MLXIP: variants seen among roughly 807,000 people sequenced by gnomAD.
The protein encoded by MLXIP is MLX-interacting protein.
A neutral mutation model predicts 87.2 loss-of-function variants in MLXIP; 30 were observed. The observed-to-expected ratio is 0.34, with a 90% CI of 0.26 to 0.47. MLXIP has a LOEUF of 0.47. Among genes scored for constraint, MLXIP ranks in the 20% least tolerant of loss-of-function variants. MLXIP has a pLI of 1.00. For synonymous variants in MLXIP, 530 were observed against 514.0 expected, an observed-to-expected ratio of 1.03 and a Z score of -0.42; for missense variants, 1,002 against 1,240.1, an observed-to-expected ratio of 0.81 and a Z score of 2.88.
rs1235040640 is a variant in MLXIP, at chr12:122,146,621, CG to C, written c.*4810del. On this transcript the variant is annotated 3_prime_UTR_variant, in exon 17 of 17. Transcript: ENST00000319080. ...GTTGAATGTTGACTTTGTGTGTATG[CG>C]TGTGTGTGTGTGTGTGTGCACGCGC... 3 of 147,248 alleles carry C rather than the reference CG, an allele frequency of 2.0e-5. No homozygotes were observed. Among genetic ancestry groups the C allele is most frequent in the African/African-American group, 7.4e-5 (3 of 40,692 alleles). 9.1% of individuals were successfully genotyped at this position (147,248 alleles called of 1,614,324 possible).
At chr12:122,092,326 C>T (rs924882534) in intron 1 of MLXIP, among the ~76,000 whole-genome samples, 1 of 152,054 alleles carries the variant, frequency 6.6e-6, no homozygotes, top group Non-Finnish European at 1.5e-5. Flanking sequence ...CTTGAACTCC[C>T]AAGCTCTAGC....
At chr12:122,141,660 C>T (rs771723537) in intron 16 of MLXIP, 31 bp from the exon 17 acceptor site, 1 of 1,610,218 alleles carries the variant, frequency 6.2e-7, no homozygotes, top group South Asian at 1.1e-5. Context: ...GTCTGTGTCA[C>T]TGCCTGTGTC....
At position 122,135,681 on chromosome 12, in the gene MLXIP, G is replaced by A. The variant is rs759084415; in HGVS notation, c.2032+15G>A. The stretch of plus-strand genomic sequence containing the variant: ...CACAGGGCCCAGTGAGTGTTCACTC[G>A]GCGGGATGGTTGGGGCATCGCAAGG... On this transcript the variant is annotated intron_variant, in intron 11 of 16. Coordinates refer to ENST00000319080, the MANE Select transcript of MLXIP (RefSeq NM_014938.6). This position sits in a 1 kb window ranked among gnomAD's most constrained non-coding sequence, Gnocchi z 5.3. The A allele has an allele frequency of 1.6e-5, 24 of 1,473,184 alleles. No homozygotes were observed. Among genetic ancestry groups the A allele is most frequent in the African/African-American group, 2.8e-5 (2 of 70,920 alleles). The allele number at this position is 1,473,184 out of a possible 1,614,324, so 91.3% of individuals were successfully genotyped here.
chr12:122,096,228 C>G (rs1374476165), intron 1 of MLXIP, among the ~76,000 whole-genome samples: 1 of 152,178 alleles, frequency 6.6e-6, no homozygotes, highest in Non-Finnish European at 1.5e-5. Flanking sequence ...CAGGTGTGCA[C>G]CGCCACACCC....
intron 15 of MLXIP, among the ~76,000 whole-genome samples, chr12:122,139,175 G>A (rs758264899): frequency 1.3e-5 from 2 of 152,166 alleles, no homozygotes; most frequent in Non-Finnish European, 2.9e-5. Flanking sequence ...GAGGTAGAAC[G>A]GTGGGCTTCG....
At chr12:122,128,694 G>A (rs1247462625) in intron 3 of MLXIP, 2 of 164,708 alleles carry the variant, frequency 1.2e-5, no homozygotes, top group East Asian at 1.8e-4. Context: ...GGCATCACGC[G>A]AAGGTTGGAT....
rs1191288771 is a variant in MLXIP at position 122,078,799 on chromosome 12, C to G, written c.-55C>G. ...GCCGGGCCGGCGCCCCTCTGCCTCG[C>G]GCGCTTGTCGCGTTGCCCCGGGCTC... is the stretch of plus-strand genomic sequence containing the variant. On this transcript the variant is annotated 5_prime_UTR_variant, in exon 1 of 17. Coordinates refer to ENST00000319080, the MANE Select transcript of MLXIP (RefSeq NM_014938.6). The G allele has an allele frequency of 9.7e-7, 1 of 1,031,096 alleles. No homozygotes were observed. The highest frequency in any genetic ancestry group is 8.4e-5 in the East Asian group (1 of 11,876). 63.9% of individuals were successfully genotyped at this position (1,031,096 alleles called of 1,614,324 possible). A position where few individuals can be genotyped will look rare whatever the true frequency, so the allele number is the denominator to read the frequency against.
At position 122,109,619 on chromosome 12, in the gene MLXIP, C is replaced by T. The variant is rs150043187; in HGVS notation, c.414-17637C>T. ...ATGGGTTGGCTGAGGAGATTTGCAG[C>T]ATGTCTGAAATACAAAAACTGTTTC... is the stretch of plus-strand genomic sequence containing the variant. On this transcript the variant is annotated intron_variant, in intron 1 of 16. Coordinates refer to ENST00000319080, the MANE Select transcript of MLXIP (RefSeq NM_014938.6). 3.1e-4 allele frequency among the ~76,000 whole-genome samples: 47 copies of T among 152,324 alleles called. 1 individual carries two copies. Among genetic ancestry groups the T allele is most frequent in the African/African-American group, 1.0e-3 (42 of 41,578 alleles).
intron 1 of MLXIP, among the ~76,000 whole-genome samples, chr12:122,093,257 G>C (rs1228173199): frequency 1.3e-5 from 2 of 149,566 alleles, no homozygotes; most frequent in Non-Finnish European, 3.0e-5. Flanking sequence ...TGTGTGTGCA[G>C]TGNGGGTGTG....
chr12:122,133,524 T>C lies in MLXIP; in HGVS notation c.1269T>C (p.Ser423=), dbSNP rs1565984788. The change falls in exon 9 of 17, where the codon AGT becomes AGC. Residue 423 remains serine, a synonymous_variant. Coordinates refer to ENST00000319080, the MANE Select transcript of MLXIP (RefSeq NM_014938.6). This position sits in a 1 kb window ranked among gnomAD's most constrained non-coding sequence, Gnocchi z 4.9. The part of the protein sequence containing the change: ...TDFGPSEPPL[S]VPQPFLPVFT... ...TCGGTCCCTCAGAGCCGCCACTGAG[T>C]GTCCCGCAGCCCTTCCTCCCTGTCT... The C allele has an allele frequency of 1.2e-6, 2 of 1,610,790 alleles. No individual in the cohort carries two copies. Among genetic ancestry groups the C allele is most frequent in the Non-Finnish European group, 8.5e-7 (1 of 1,178,736 alleles).
chr12:122,141,104 G>T, intron 16 of MLXIP, 21 bp downstream of exon 16: 2 of 1,598,538 alleles, frequency 1.3e-6, no homozygotes, highest in Non-Finnish European at 1.7e-6. Flanking sequence ...CAGTGCCAGG[G>T]TGGGGGGCTT....
rs1008532461 is a variant in MLXIP at position 122,085,442 on chromosome 12, C to T, written c.413+6176C>T. 1.5e-4 allele frequency among the ~76,000 whole-genome samples: 22 copies of T among 149,802 alleles called. 1 individual carries two copies. Among genetic ancestry groups the T allele is most frequent in the Admixed American group, 4.7e-4 (7 of 15,034 alleles). On this transcript the variant is annotated intron_variant, in intron 1 of 16. Coordinates refer to ENST00000319080, the MANE Select transcript of MLXIP (RefSeq NM_014938.6). Reference sequence around the variant, plus strand: ...TTTTTGAGATGGAGTCTCGCTCTGTCGCCCAGGCTGGAGTGCAATGGCGCG... The same window carrying T: ...TTTTTGAGATGGAGTCTCGCTCTGTTGCCCAGGCTGGAGTGCAATGGCGCG...
At position 122,128,359 on chromosome 12, in the gene MLXIP, C is replaced by T. The variant is rs1476773226; in HGVS notation, c.606+391C>T. ...TGAGGGGGAGATGCTTTCTTCACTG[C>T]ATACTCTTCTGTGTGGCTTTAATTT... On this transcript the variant is annotated intron_variant, in intron 3 of 16. Transcript: ENST00000319080. 2.2e-5 allele frequency: 4 copies of T among 181,402 alleles called. No individual in the cohort carries two copies. In the East Asian group the frequency reaches 6.5e-4, roughly 29 times the overall value. The allele number at this position is 181,402 out of a possible 1,614,324, so 11.2% of individuals were successfully genotyped here.
chr12:122,092,994 TTGTG>T (rs1162855425), intron 1 of MLXIP, among the ~76,000 whole-genome samples: 1 of 142,990 alleles, frequency 7.0e-6, no homozygotes, highest in Non-Finnish European at 1.5e-5. Flanking sequence ...GTTGTGTGTG[TTGTG>T]TGTATGTGTG....
In MLXIP at chr12:122,079,037, C is replaced by G. The variant is rs1039195849; in HGVS notation, c.184C>G (p.Arg62Gly). 5 of 1,397,192 alleles carry G rather than the reference C, an allele frequency of 3.6e-6. No individual in the cohort carries two copies. The Admixed American group carries it at 9.6e-5, about 27-fold the overall frequency. The allele number at this position is 1,397,192 out of a possible 1,614,324, so 86.5% of individuals were successfully genotyped here. A position where few individuals can be genotyped will look rare whatever the true frequency, so the allele number is the denominator to read the frequency against. Residue 62 changes from arginine (R) to glycine (G), a missense_variant, in exon 1 of 17, where the codon CGG (arginine) becomes GGG (glycine). Physicochemically the swap from Arg to Gly is moderately radical, Grantham distance 125. Coordinates refer to ENST00000319080, the MANE Select transcript of MLXIP (RefSeq NM_014938.6). The part of the protein sequence containing the change: ...AHASAAPPPP[R>G]AGPGREEPPR... ...CGCGAGCGCCGCGCCACCGCCGCCT[C>G]GGGCCGGGCCGGGCCGCGAGGAACC...
chr12:122,124,996 A>G (rs905331974), intron 1 of MLXIP, among the ~76,000 whole-genome samples: 13 of 152,174 alleles, frequency 8.5e-5, no homozygotes, highest in African/African-American at 2.9e-4. Context: ...ATGAAATCCC[A>G]TCTCTACTAA....
chr12:122,094,942 G>A (rs1952326541), intron 1 of MLXIP, among the ~76,000 whole-genome samples: 1 of 149,082 alleles, frequency 6.7e-6, no homozygotes, highest in Non-Finnish European at 1.5e-5. Flanking sequence ...GTGTGATTGT[G>A]TGGTGTATTG....
chr12:122,124,164 CT>C (rs1215948472), intron 1 of MLXIP, among the ~76,000 whole-genome samples: 1 of 143,544 alleles, frequency 7.0e-6, no homozygotes, highest in East Asian at 2.1e-4. Flanking sequence ...GTCCCCCACC[CT>C]CAGCCGTCCC....
intron 5 of MLXIP, 119 bp from the exon 6 acceptor site, chr12:122,129,822 C>A: frequency 7.3e-7 from 1 of 1,372,796 alleles, no homozygotes; most frequent in Non-Finnish European, 1.0e-6. Flanking sequence ...TGCCTCCACC[C>A]TGCTGCCTCA....
Sources: gnomAD v4.1 joint callset for allele counts (sites outside exome capture counted in the v4.1 genomes callset) on GRCh38, gnomAD v4.1.1 for gene constraint, Gnocchi (gnomAD v3.1) non-coding constraint, MANE v1.5 for transcripts, NCBI Gene and HGNC (gene_info 2026-07-23, HGNC 2026-07-21) for gene names.